The following SFMBT2 variants were observed in gnomAD, a reference collection of about 807,000 sequenced individuals.
The protein encoded by SFMBT2 is scm-like with four MBT domains protein 2.
A neutral mutation model predicts 110.1 loss-of-function variants in SFMBT2; 38 were observed. The observed-to-expected ratio is 0.35, with a 90% CI of 0.27 to 0.45. The LOEUF is 0.45. Among genes scored for constraint, SFMBT2 ranks in the 20% least tolerant of loss-of-function variants. The pLI is 1.00. For missense variants in SFMBT2, 1,011 were observed against 1,094.9 expected, an observed-to-expected ratio of 0.92 and a Z score of 1.08; for synonymous variants, 425 against 425.4, an observed-to-expected ratio of 1.00 and a Z score of 0.01.
At position 7,161,562 on chromosome 10, in the gene SFMBT2, T is replaced by C. The variant is rs535226368; in HGVS notation, c.*2208A>G. On this transcript the variant is annotated 3_prime_UTR_variant, in exon 21 of 21. Coordinates refer to ENST00000397167, the MANE Select transcript of SFMBT2 (RefSeq NM_001387889.1). ...CCGCAGAGAGTTCAAAACTTGAGCT[T>C]AAAGGAGAGATGCCCGGGGCAAGCC... 2.0e-5 allele frequency: 3 copies of C among 152,104 alleles called. No homozygotes were observed. In the East Asian group the frequency reaches 5.8e-4, roughly 29 times the overall value. The allele number at this position is 152,104 out of a possible 1,614,324, so 9.4% of individuals were successfully genotyped here.
Position 7,235,315 on chromosome 10 carries a change from T to G in SFMBT2, c.1121-7378A>C, listed in dbSNP as rs192489233. Among the ~76,000 whole-genome samples, 16 of 152,294 alleles carry G rather than the reference T, an allele frequency of 1.1e-4. No individual in the cohort carries two copies. In the East Asian group the frequency reaches 2.9e-3, roughly 28 times the overall value. On this transcript the variant is annotated intron_variant, in intron 9 of 20. Transcript: ENST00000397167. ...GACTTCAATCCAGGGCACATGGAAC[T>G]GCCACATAAATAACAACCACCACTG...
intron 13 of SFMBT2, 52 bp from the exon 14 acceptor site, chr10:7,200,536 T>C: frequency 7.7e-6 from 11 of 1,419,522 alleles, no homozygotes; most frequent in Non-Finnish European, 1.1e-5. Flanking sequence ...TAGAAGGAAC[T>C]ACTACATTCC....
chr10:7,203,285 TACTC>T (rs1564381012), intron 12 of SFMBT2: 1 of 185,444 alleles, frequency 5.4e-6, no homozygotes, highest in Non-Finnish European at 1.0e-5. Flanking sequence ...ATAAGAAAAA[TACTC>T]AATAAGATCC....
At position 7,328,908 on chromosome 10, in the gene SFMBT2, C is replaced by T. The variant is rs187576087; in HGVS notation, c.436+38741G>A. On this transcript the variant is annotated intron_variant, in intron 4 of 20. Transcript: ENST00000397167. ...TCTACTATACAGGAGCAGAAGGCTG[C>T]CTTCCCCAGTGATTTAAATCCAGGC... Among the ~76,000 whole-genome samples the T allele has an allele frequency of 2.0e-4, 31 of 152,312 alleles. No individual in the cohort carries two copies. In the East Asian group the frequency reaches 5.4e-3, roughly 27 times the overall value.
chr10:7,211,595 C>A (rs553119588), intron 11 of SFMBT2, among the ~76,000 whole-genome samples: 2 of 152,114 alleles, frequency 1.3e-5, no homozygotes, highest in Non-Finnish European at 2.9e-5. Context: ...GCCTCTTCCC[C>A]GAGACAGCTC....
intron 4 of SFMBT2, among the ~76,000 whole-genome samples, chr10:7,358,659 A>G (rs1390640346): frequency 7.5e-6 from 1 of 132,922 alleles, no homozygotes; most frequent in East Asian, 1.9e-4. Context: ...GGACATCAGC[A>G]TGGCGCTAGA....
chr10:7,280,060 T>A (rs1256363558), intron 6 of SFMBT2, among the ~76,000 whole-genome samples: 1 of 152,188 alleles, frequency 6.6e-6, no homozygotes, highest in African/African-American at 2.4e-5. Context: ...TCAAATGAGA[T>A]CTGTGTCCTT....
intron 7 of SFMBT2, among the ~76,000 whole-genome samples, chr10:7,261,626 C>T (rs1431453338): frequency 6.6e-6 from 1 of 152,182 alleles, no homozygotes; most frequent in East Asian, 1.9e-4. Context: ...CTGTTGTGAT[C>T]TAGAGACTTT....
intron 9 of SFMBT2, among the ~76,000 whole-genome samples, chr10:7,230,290 A>G (rs73615425): frequency 6.6e-6 from 1 of 152,132 alleles, no homozygotes; most frequent in Non-Finnish European, 1.5e-5. Context: ...TCCTGCATCA[A>G]AGATTTCTAG....
intron 11 of SFMBT2, chr10:7,219,792 C>A (rs1839665372): frequency 4.0e-6 from 1 of 249,892 alleles, no homozygotes. Context: ...CACTGAAAAC[C>A]CACCACCTAG....
At chr10:7,263,084 G>A (rs1352121596) in intron 7 of SFMBT2, among the ~76,000 whole-genome samples, 1 of 152,100 alleles carries the variant, frequency 6.6e-6, no homozygotes, top group Non-Finnish European at 1.5e-5. Context: ...ATGCTTTCAG[G>A]CCCAGACACT....
intron 4 of SFMBT2, among the ~76,000 whole-genome samples, chr10:7,299,484 G>A (rs960686719): frequency 6.6e-6 from 1 of 152,170 alleles, no homozygotes; most frequent in East Asian, 1.9e-4. Context: ...ATTTAAAAAA[G>A]CTCAACATCG....
intron 15 of SFMBT2, chr10:7,189,173 G>T (rs1838515774): frequency 2.0e-6 from 2 of 985,316 alleles, no homozygotes; most frequent in African/African-American, 3.5e-5. Flanking sequence ...CACTTCTGGA[G>T]AGGCTTCACA....
chr10:7,382,163 A>C (rs1423476277), intron 1 of SFMBT2, among the ~76,000 whole-genome samples: 1 of 152,140 alleles, frequency 6.6e-6, no homozygotes, highest in Non-Finnish European at 1.5e-5. Context: ...TAATCCTAGC[A>C]CTTTGGGAGA....
At chr10:7,227,068 C>T (rs943334111) in intron 10 of SFMBT2, among the ~76,000 whole-genome samples, 7 of 152,156 alleles carry the variant, frequency 4.6e-5, no homozygotes, top group African/African-American at 1.7e-4. Context: ...ACACTCATTG[C>T]CACTTTATGT....
chr10:7,307,378 G>A (rs1340349767), intron 4 of SFMBT2, among the ~76,000 whole-genome samples: 1 of 152,108 alleles, frequency 6.6e-6, no homozygotes, highest in East Asian at 1.9e-4. Context: ...GTCCCAAGGA[G>A]AGCCAAAACA....
At chr10:7,372,376 T>C (rs991560646) in intron 2 of SFMBT2, among the ~76,000 whole-genome samples, 4 of 152,236 alleles carry the variant, frequency 2.6e-5, no homozygotes, top group Non-Finnish European at 5.9e-5. Context: ...TTGCTTAGAA[T>C]GGCCTCCTCA....
chr10:7,328,890 T>TACAGGA (rs1191247449), intron 4 of SFMBT2, among the ~76,000 whole-genome samples: 2 of 152,214 alleles, frequency 1.3e-5, no homozygotes, highest in Non-Finnish European at 2.9e-5. Context: ...ATTTCTACTA[T>TACAGGA]ACAGGAGCAG....
intron 8 of SFMBT2, among the ~76,000 whole-genome samples, chr10:7,245,326 T>A (rs1379356163): frequency 6.6e-6 from 1 of 152,120 alleles, no homozygotes; most frequent in Non-Finnish European, 1.5e-5. Flanking sequence ...GTTAAATTAC[T>A]GTTATTTAGT....
Sources: gnomAD v4.1 joint callset for allele counts (sites outside exome capture counted in the v4.1 genomes callset) on GRCh38, gnomAD v4.1.1 for gene constraint, MANE v1.5 for transcripts, NCBI Gene and HGNC (gene_info 2026-07-23, HGNC 2026-07-21) for gene names.